Variants in PCNX1 observed in about 807,000 individuals in gnomAD.
PCNX1 encodes pecanex-like protein 1.
A neutral mutation model predicts 242.2 loss-of-function variants in PCNX1; 78 were observed. The ratio of observed to expected loss-of-function variants is 0.32; its 90% CI spans 0.27 to 0.39. The LOEUF (loss-of-function observed/expected upper bound fraction) is 0.39. Among genes scored for constraint, PCNX1 ranks in the 10% least tolerant of loss-of-function variants. PCNX1 has a pLI of 1.00. For missense variants in PCNX1, 2,581 were observed against 2,856.5 expected (o/e 0.90, Z 2.20); for synonymous variants, 1,024 against 1,032.9 (o/e 0.99, Z 0.17).
intron 31 of PCNX1, among the ~76,000 whole-genome samples, chr14:71,103,097 A>G (rs1213911962): frequency 1.1e-4 from 17 of 152,258 alleles, no homozygotes; most frequent in Non-Finnish European, 1.9e-4. Context: ...AAAGATGTCT[A>G]TAGTCTTATT....
rs1197478854 is a variant in PCNX1, at chr14:70,959,044, AGAC to A, written c.363-3181_363-3179del. On this transcript the variant is annotated intron_variant, in intron 2 of 35. Coordinates refer to ENST00000304743, the MANE Select transcript of PCNX1 (RefSeq NM_014982.3). ...AAAAAAAAAAAAAAAGATTATATAT[AGAC>A]TATTGACTACTTACTCTGTTTATAC... Among the ~76,000 whole-genome samples, 3 of 149,952 alleles carry A rather than the reference AGAC, an allele frequency of 2.0e-5. No individual in the cohort carries two copies. The East Asian group carries it at 5.9e-4, about 29-fold the overall frequency.
Position 70,978,509 on chromosome 14 carries a change from G to T in PCNX1, c.2172G>T (p.Glu724Asp). 6.2e-7 allele frequency: 1 copy of T among 1,614,142 alleles called. No individual in the cohort carries two copies. The highest frequency in any genetic ancestry group is 1.1e-5 in the South Asian group (1 of 91,086). Reference protein sequence around the residue: ...KPLTTSKSDLEAKEGEVLDEL... With the variant: ...KPLTTSKSDLDAKEGEVLDEL... ...TAACCACTTCAAAATCAGATCTTGA[G>T]GCCAAAGAGGGAGAGGTGCTAGATG... The change falls in exon 6 of 36, where the codon GAG becomes GAT. Residue 724 changes from glutamate (E) to aspartate (D), a missense_variant. This residue lies in a region of PCNX1 where 1,204 missense variants were observed against 1,216.7 expected (regional missense o/e 0.99). Coordinates refer to ENST00000304743, the MANE Select transcript of PCNX1 (RefSeq NM_014982.3).
At chr14:70,978,927 T>G (rs2058757486) in intron 6 of PCNX1, among the ~76,000 whole-genome samples, 1 of 152,170 alleles carries the variant, frequency 6.6e-6, no homozygotes, top group Non-Finnish European at 1.5e-5. Context: ...TGTTAATGTT[T>G]TGCTGGGAAT....
chr14:70,954,658 C>G (rs1595033245), intron 2 of PCNX1, among the ~76,000 whole-genome samples: 1 of 152,064 alleles, frequency 6.6e-6, no homozygotes, highest in East Asian at 1.9e-4. Context: ...TATTTTGTGT[C>G]TAGCAATCTT....
chr14:71,005,047 G>T (rs1446002165), intron 8 of PCNX1, among the ~76,000 whole-genome samples: 1 of 152,118 alleles, frequency 6.6e-6, no homozygotes, highest in Admixed American at 6.5e-5. Context: ...GGAAGGTTGG[G>T]GGAGGTAGGT....
At chr14:70,958,341 A>C (rs1183406796) in intron 2 of PCNX1, among the ~76,000 whole-genome samples, 1 of 152,248 alleles carries the variant, frequency 6.6e-6, no homozygotes, top group Non-Finnish European at 1.5e-5. Context: ...AATTGATAAT[A>C]AAAACACACT....
chr14:70,931,535 C>T (rs1241990984), intron 1 of PCNX1, among the ~76,000 whole-genome samples: 2 of 152,024 alleles, frequency 1.3e-5, no homozygotes, highest in East Asian at 3.8e-4. Context: ...ATTAGTGTGC[C>T]CGTTTGTGTG....
chr14:70,949,876 C>T (rs2057708608), intron 2 of PCNX1, among the ~76,000 whole-genome samples: 1 of 152,146 alleles, frequency 6.6e-6, no homozygotes, highest in Non-Finnish European at 1.5e-5. Flanking sequence ...TACCTCAAAA[C>T]AATTCTAGCA....
chr14:70,950,247 T>C (rs142325850), intron 2 of PCNX1, among the ~76,000 whole-genome samples: 308 of 152,312 alleles, frequency 2.0e-3, no homozygotes, highest in Admixed American at 3.9e-3. Context: ...TTGAAGGTAA[T>C]GACCTTATTG....
chr14:71,019,547 G>A (rs182606864), intron 12 of PCNX1, among the ~76,000 whole-genome samples: 49 of 152,070 alleles, frequency 3.2e-4, no homozygotes, highest in African/African-American at 1.1e-3. Context: ...GATTACAGGC[G>A]CATGCCACCA....
In PCNX1 at chr14:71,102,008, G is replaced by C; in HGVS notation, c.5608G>C (p.Asp1870His). Residue 1870 changes from aspartate to histidine, a missense_variant, in exon 31 of 36, where the codon GAT becomes CAT. Coordinates refer to ENST00000304743, the MANE Select transcript of PCNX1 (RefSeq NM_014982.3). ...TATTTAGGATCATTTTACTTCTCCA[G>C]ATGAATATGATGACCCTACTGTGCT... ...KLHQDHFTSP[D>H]EYDDPTVLYE... 6.3e-7 allele frequency: 1 copy of C among 1,591,972 alleles called. No individual in the cohort carries two copies.
intron 2 of PCNX1, among the ~76,000 whole-genome samples, chr14:70,957,530 T>A (rs1022657402): frequency 6.6e-6 from 1 of 152,240 alleles, no homozygotes; most frequent in Non-Finnish European, 1.5e-5. Flanking sequence ...ACACAAAACA[T>A]CACATATGAT....
chr14:71,002,577 T>C (rs901424583), intron 8 of PCNX1, among the ~76,000 whole-genome samples: 26 of 152,230 alleles, frequency 1.7e-4, no homozygotes, highest in Admixed American at 1.5e-3. Context: ...CATTATGATT[T>C]CCCTCTTCTA....
intron 1 of PCNX1, among the ~76,000 whole-genome samples, chr14:70,922,179 A>G (rs960028446): frequency 1.3e-5 from 2 of 152,152 alleles, no homozygotes; most frequent in African/African-American, 2.4e-5. Flanking sequence ...TTTACCCAGT[A>G]TGGTGTATTT....
intron 8 of PCNX1, 116 bp from the exon 9 acceptor site, chr14:71,009,518 T>G: frequency 2.0e-6 from 1 of 503,792 alleles, no homozygotes. Context: ...AAAAAATTTT[T>G]TTTAAAGGTT....
chr14:70,999,445 A>G (rs543623494), intron 8 of PCNX1, among the ~76,000 whole-genome samples: 2 of 152,334 alleles, frequency 1.3e-5, no homozygotes, highest in South Asian at 2.1e-4. Context: ...TACTGTTACA[A>G]TGTTGACAAG....
At chr14:71,096,946 A>G (rs1012482717) in intron 30 of PCNX1, among the ~76,000 whole-genome samples, 12 of 152,074 alleles carry the variant, frequency 7.9e-5, no homozygotes, top group African/African-American at 1.2e-4. Context: ...GTTATGCTGT[A>G]TACTTCCTTA....
rs1263484615 is a variant in PCNX1 at position 71,006,092 on chromosome 14, CGTGTGTGTGTCTGT to C, written c.2630-3531_2630-3518del. Among the ~76,000 whole-genome samples the C allele has an allele frequency of 5.5e-4, 71 of 129,318 alleles. 1 individual carries two copies. The highest frequency in any genetic ancestry group is 7.2e-4 in the Non-Finnish European group (44 of 60,712). 84.8% of individuals were successfully genotyped at this position (129,318 alleles called of 152,430 possible). A position where few individuals can be genotyped will look rare whatever the true frequency, so the allele number is the denominator to read the frequency against. On this transcript the variant is annotated intron_variant, in intron 8 of 35. Transcript: ENST00000304743. ...CACATGCCACCACACCCAGCTAGTA[CGTGTGTGTGTCTGT>C]GTGTGTGTGTGTGTGTGTGTGTGTG...
intron 33 of PCNX1, 145 bp downstream of exon 33, chr14:71,105,585 C>G (rs1379822096): frequency 3.3e-6 from 2 of 607,818 alleles, no homozygotes; most frequent in East Asian, 5.8e-5. Context: ...GAGTCTTGCT[C>G]TGGCTGGAGT....
Sources: allele counts gnomAD v4.1 joint callset (sites outside exome capture counted in the v4.1 genomes callset), GRCh38; gene constraint gnomAD v4.1.1; regional missense constraint gnomAD v4.1.1; transcripts MANE v1.5; gene names NCBI Gene and HGNC (gene_info 2026-07-23, HGNC 2026-07-21).